APAF1: variants seen among roughly 807,000 people sequenced by gnomAD.
APAF1 encodes apoptotic protease-activating factor 1.
APAF1 carries 91 observed loss-of-function variants against 152.4 expected under a neutral mutation model. That is an observed-to-expected ratio of 0.60 (90% CI 0.50 to 0.71). The LOEUF (loss-of-function observed/expected upper bound fraction) is 0.71. Among genes scored for constraint, APAF1 ranks in the 30% least tolerant of loss-of-function variants. The pLI, the probability that APAF1 is intolerant of heterozygous loss-of-function variation, is 0.00. For synonymous variants in APAF1, 484 were observed against 494.1 expected (o/e 0.98, Z 0.27); for missense variants, 1,283 against 1,472.0 (o/e 0.87, Z 2.10).
intron 19 of APAF1, 113 bp downstream of exon 19, chr12:98,706,723 T>C (rs2097721778): frequency 1.7e-6 from 2 of 1,195,868 alleles, no homozygotes; most frequent in Non-Finnish European, 2.5e-6. Flanking sequence ...AAACTAGTAC[T>C]ATATTCCTAT....
intron 17 of APAF1, among the ~76,000 whole-genome samples, chr12:98,701,004 T>TC (rs1258919335): frequency 4.2e-4 from 63 of 151,336 alleles, no homozygotes; most frequent in Middle Eastern, 3.4e-3. Flanking sequence ...TTTTTTTTTT[T>TC]CTTACAAACC....
At chr12:98,712,843 G>A (rs554811266) in intron 21 of APAF1, 2 of 205,026 alleles carry the variant, frequency 9.8e-6, no homozygotes, top group East Asian at 2.7e-4. Context: ...TTTGAATCAG[G>A]ATCTCACCTT....
Position 98,683,104 on chromosome 12 carries a change from A to G in APAF1, c.2047-39A>G, listed in dbSNP as rs759254163. 5.4e-5 allele frequency: 84 copies of G among 1,553,134 alleles called. No individual in the cohort carries two copies. In the Admixed American group the frequency reaches 1.4e-3, roughly 26 times the overall value. On this transcript the variant is annotated intron_variant, in intron 14 of 26. Coordinates refer to ENST00000551964, the MANE Select transcript of APAF1 (RefSeq NM_181861.2). ...TTGCCCCTCTGTTCTCCCTTTGAAA[A>G]TAATGGATATTTGTAAATTTTTTCT... is the stretch of plus-strand genomic sequence containing the variant.
At chr12:98,673,415 A>G (rs1358559534) in intron 12 of APAF1, among the ~76,000 whole-genome samples, 1 of 151,272 alleles carries the variant, frequency 6.6e-6, no homozygotes, top group African/African-American at 2.4e-5. Flanking sequence ...CAGCCTGGGC[A>G]ACAAAGTGAA....
At chr12:98,701,230 G>C (rs1417269348) in intron 17 of APAF1, among the ~76,000 whole-genome samples, 2 of 152,102 alleles carry the variant, frequency 1.3e-5, no homozygotes, top group Non-Finnish European at 2.9e-5. Flanking sequence ...TATCATACTT[G>C]GGTTGTATAT....
intron 5 of APAF1, among the ~76,000 whole-genome samples, chr12:98,660,808 C>T (rs1370902938): frequency 6.6e-6 from 1 of 152,070 alleles, no homozygotes; most frequent in Non-Finnish European, 1.5e-5. Context: ...CCTAATGCAC[C>T]CAAGGATGCA....
chr12:98,708,558 A>G, intron 19 of APAF1, 27 bp from the exon 20 acceptor site: 2 of 1,608,204 alleles, frequency 1.2e-6, no homozygotes, highest in Non-Finnish European at 1.7e-6. Context: ...TAGAGATGGA[A>G]TGATAATTTC....
chr12:98,647,705 GTTTT>G (rs66849928), intron 1 of APAF1, among the ~76,000 whole-genome samples: 2 of 105,556 alleles, frequency 1.9e-5, no homozygotes, highest in African/African-American at 3.5e-5. Context: ...TCATGTTTCT[GTTTT>G]TTTTTTTTTT....
At chr12:98,703,692 G>A (rs2288720) in intron 18 of APAF1, among the ~76,000 whole-genome samples, 193 bp downstream of exon 18, 137,224 of 152,298 alleles carry the variant, frequency 0.9, 61,897 homozygotes, top group African/African-American at 0.94. Context: ...AACAGTGATT[G>A]CAGACTTGAT....
In APAF1 at chr12:98,662,407, A is replaced by G; in HGVS notation, c.711-49A>G. ...CTGGTGGGATTATCTTTTTAAAAGG[A>G]AGCTTAAGATAAGTGTCATTAGTGA... is the stretch of plus-strand genomic sequence containing the variant. On this transcript the variant is annotated intron_variant, in intron 5 of 26. Transcript: ENST00000551964. The G allele has an allele frequency of 2.2e-6, 3 of 1,368,768 alleles. No individual in the cohort carries two copies. In the South Asian group the frequency reaches 3.5e-5, roughly 16 times the overall value. The allele number at this position is 1,368,768 out of a possible 1,614,324, so 84.8% of individuals were successfully genotyped here. A position where few individuals can be genotyped will look rare whatever the true frequency, so the allele number is the denominator to read the frequency against.
chr12:98,654,628 G>A (rs2097654006), intron 4 of APAF1, among the ~76,000 whole-genome samples: 1 of 151,868 alleles, frequency 6.6e-6, no homozygotes, highest in East Asian at 1.9e-4. Flanking sequence ...GGTTGGTTTC[G>A]AACACCTGAC....
intron 9 of APAF1, among the ~76,000 whole-genome samples, chr12:98,667,262 A>C (rs1379661131): frequency 6.6e-6 from 1 of 151,328 alleles, no homozygotes; most frequent in Admixed American, 6.6e-5. Context: ...CACCTGACTG[A>C]TTTTTTTTAT....
chr12:98,703,095 T>C (rs1357458184), intron 17 of APAF1, among the ~76,000 whole-genome samples: 1 of 152,200 alleles, frequency 6.6e-6, no homozygotes, highest in African/African-American at 2.4e-5. Flanking sequence ...TGGGCCAGTC[T>C]ATTCATTTAT....
chr12:98,667,406 G>A lies in APAF1; in HGVS notation c.1363-107G>A, dbSNP rs1256282586. On this transcript the variant is annotated intron_variant, in intron 9 of 26. Transcript: ENST00000551964. ...GCTGGGATTACAGGCGTGAGCCACC[G>A]AGCCCGGCCTCTCTGTACATTCTTA... 47 of 1,409,448 alleles carry A rather than the reference G, an allele frequency of 3.3e-5. 1 individual carries two copies. Among genetic ancestry groups the A allele is most frequent in the South Asian group, 2.9e-4 (25 of 86,002 alleles). The allele number at this position is 1,409,448 out of a possible 1,614,324, so 87.3% of individuals were successfully genotyped here.
chr12:98,663,463 C>T (rs2097668108), intron 7 of APAF1, among the ~76,000 whole-genome samples: 1 of 152,192 alleles, frequency 6.6e-6, no homozygotes, highest in Admixed American at 6.5e-5. Context: ...ATCCTCCTGC[C>T]TTAGCCTCCT....
chr12:98,665,255 C>CATATATATATATATATAT (rs35804742), intron 7 of APAF1, among the ~76,000 whole-genome samples: 23 of 97,868 alleles, frequency 2.4e-4, no homozygotes, highest in African/African-American at 3.1e-4. Flanking sequence ...TAGACTGGCG[C>CATATATATATATATATAT]ATATATATAT....
rs769974597 is a variant in APAF1, at chr12:98,662,753, T to A, written c.902T>A (p.Met301Lys). 125 of 1,612,086 alleles carry A rather than the reference T, an allele frequency of 7.8e-5. No individual in the cohort carries two copies. The highest frequency in any genetic ancestry group is 1.0e-4 in the Non-Finnish European group (121 of 1,179,192). ...GLEILSLFVN[M>K]KKADLPEQAH... ...GAAATTTTATCCCTTTTTGTTAATATGAAGAAGGCAGATTTGCCAGAACAA... is the reference window on the plus strand; with the variant it reads ...GAAATTTTATCCCTTTTTGTTAATAAGAAGAAGGCAGATTTGCCAGAACAA... Residue 301 changes from methionine to lysine, a missense_variant, in exon 7 of 27, where the codon ATG (methionine) becomes AAG (lysine). Coordinates refer to ENST00000551964, the MANE Select transcript of APAF1 (RefSeq NM_181861.2).
In APAF1 at chr12:98,662,715, G is replaced by T; in HGVS notation, c.864G>T (p.Lys288Asn). ...TCCCTGTGGAGAGTTCCTTAGGAAAGGAAAAAGGACTTGAAATTTTATCCC... is the reference window on the plus strand; with the variant it reads ...TCCCTGTGGAGAGTTCCTTAGGAAATGAAAAAGGACTTGAAATTTTATCCC... ...YVVPVESSLGKEKGLEILSLF... is the reference protein window; with the variant it reads ...YVVPVESSLGNEKGLEILSLF... The change falls in exon 7 of 27, where the codon AAG becomes AAT. Residue 288 changes from lysine (K) to asparagine (N), a missense_variant. Coordinates refer to ENST00000551964, the MANE Select transcript of APAF1 (RefSeq NM_181861.2). The T allele has an allele frequency of 1.4e-5, 22 of 1,613,034 alleles. No individual in the cohort carries two copies. Among genetic ancestry groups the T allele is most frequent in the Non-Finnish European group, 1.7e-5 (20 of 1,179,616 alleles).
At chr12:98,664,729 C>G (rs974642769) in intron 7 of APAF1, among the ~76,000 whole-genome samples, 1 of 152,038 alleles carries the variant, frequency 6.6e-6, no homozygotes, top group Non-Finnish European at 1.5e-5. Context: ...GGGACAGGGT[C>G]TCACTATGTT....
Sources: gnomAD v4.1 joint callset for allele counts (sites outside exome capture counted in the v4.1 genomes callset) on GRCh38, gnomAD v4.1.1 for gene constraint, MANE v1.5 for transcripts, NCBI Gene and HGNC (gene_info 2026-07-23, HGNC 2026-07-21) for gene names.